The following NSF variants were observed in gnomAD, a reference collection of about 807,000 sequenced individuals.
NSF encodes N-ethylmaleimide sensitive factor, vesicle fusing ATPase, also known as vesicle-fusing ATPase.
In NSF, 14 loss-of-function variants were observed where a neutral mutation model predicts 50.3. That is an observed-to-expected ratio of 0.28 (90% CI 0.18 to 0.44). NSF has a LOEUF of 0.44. Ranked by LOEUF, NSF falls within the 20% of genes least tolerant of loss-of-function variation. The pLI is 1.00. For synonymous variants in NSF, 109 were observed against 175.7 expected, an observed-to-expected ratio of 0.62 and a Z score of 3.00; for missense variants, 218 against 504.3, an observed-to-expected ratio of 0.43 and a Z score of 5.44.
At chr17:46,728,778 A>G in intron 16 of NSF, 77 bp from the exon 17 acceptor site, 1 of 1,106,010 alleles carries the variant, frequency 9.0e-7, no homozygotes. Context: ...TGATGCAAAA[A>G]AAAAAAACAA....
chr17:46,732,074 A>G (rs1333778772), intron 17 of NSF, among the ~76,000 whole-genome samples: 1 of 152,200 alleles, frequency 6.6e-6, no homozygotes, highest in Non-Finnish European at 1.5e-5. Flanking sequence ...AGGTATATTC[A>G]GCTAAATATT....
intron 15 of NSF, among the ~76,000 whole-genome samples, chr17:46,715,518 T>TTGCA (rs2058759843): frequency 6.6e-6 from 1 of 152,254 alleles, no homozygotes; most frequent in Non-Finnish European, 1.5e-5. Flanking sequence ...AGTAGTCATC[T>TTGCA]TTGCAGATGG....
chr17:46,712,316 T>G (rs2058727425), intron 14 of NSF, among the ~76,000 whole-genome samples: 1 of 152,220 alleles, frequency 6.6e-6, no homozygotes, highest in South Asian at 2.1e-4. Context: ...TGTGCACATA[T>G]TATCTATTTA....
chr17:46,708,731 C>T (rs1350035920), intron 13 of NSF, among the ~76,000 whole-genome samples: 2 of 147,738 alleles, frequency 1.4e-5, no homozygotes, highest in African/African-American at 4.9e-5. Flanking sequence ...TGACCTCAAG[C>T]GATCCACCTA....
chr17:46,609,938 C>T (rs7503274), intron 1 of NSF, among the ~76,000 whole-genome samples: 7 of 143,668 alleles, frequency 4.9e-5, no homozygotes, highest in East Asian at 1.9e-4. Flanking sequence ...CCTCTCACCT[C>T]AGCCCCCTGA....
chr17:46,749,465 G>A (rs1490791041), intron 17 of NSF, among the ~76,000 whole-genome samples: 3 of 152,124 alleles, frequency 2.0e-5, no homozygotes, highest in Non-Finnish European at 4.4e-5. Context: ...TTGGCTCTGA[G>A]GAAGGAATTA....
chr17:46,715,241 G>C (rs1047280505), intron 15 of NSF, among the ~76,000 whole-genome samples: 1 of 152,206 alleles, frequency 6.6e-6, no homozygotes, highest in African/African-American at 2.4e-5. Flanking sequence ...AGTTTATTCT[G>C]TCTCTGAGGT....
At chr17:46,712,813 C>T (rs1252059434) in intron 14 of NSF, among the ~76,000 whole-genome samples, 1 of 151,902 alleles carries the variant, frequency 6.6e-6, no homozygotes, top group Non-Finnish European at 1.5e-5. Context: ...CAAGAGTAAC[C>T]AGAGAGGAAA....
At chr17:46,691,602 CA>C (rs2058547044) in intron 9 of NSF, among the ~76,000 whole-genome samples, 1 of 151,538 alleles carries the variant, frequency 6.6e-6, no homozygotes, top group Non-Finnish European at 1.5e-5. Context: ...CTCAAACAAA[CA>C]AACAAACAAA....
At chr17:46,736,658 G>A (rs1316399119) in intron 17 of NSF, among the ~76,000 whole-genome samples, 2 of 152,166 alleles carry the variant, frequency 1.3e-5, no homozygotes, top group African/African-American at 4.8e-5. Flanking sequence ...TAACTTAGCA[G>A]TATAACTGTC....
chr17:46,721,938 C>T (rs996401920), intron 15 of NSF: 2 of 1,599,612 alleles, frequency 1.3e-6, no homozygotes, highest in African/African-American at 2.7e-5. Context: ...ACTAGCCGGA[C>T]TTGGATTTTC....
intron 19 of NSF, among the ~76,000 whole-genome samples, chr17:46,753,998 G>A (rs2059209024): frequency 6.6e-6 from 1 of 152,120 alleles, no homozygotes; most frequent in Non-Finnish European, 1.5e-5. Flanking sequence ...AGGGAATAAA[G>A]TCATTTATCT....
chr17:46,694,610 T>TG lies in NSF; in HGVS notation c.1324dup (p.Glu442GlyfsTer14). The TG allele has an allele frequency of 6.8e-7, 1 of 1,464,076 alleles. No homozygotes were observed. The highest frequency in any genetic ancestry group is 9.2e-7 in the Non-Finnish European group (1 of 1,086,144). 90.7% of individuals were successfully genotyped at this position (1,464,076 alleles called of 1,614,324 possible). On this transcript the variant is annotated frameshift_variant, in exon 12 of 21. Transcript: ENST00000398238. LOFTEE classifies it high-confidence loss of function. The stretch of plus-strand genomic sequence containing the variant: ...ACCAAGAATTTCAGTGGTGCTGAAT[T>TG]GGAGGGTCTGGTGCGAGCAGCCCAG...
At chr17:46,716,044 A>G (rs1197032938) in intron 15 of NSF, among the ~76,000 whole-genome samples, 1 of 152,234 alleles carries the variant, frequency 6.6e-6, no homozygotes, top group Non-Finnish European at 1.5e-5. Flanking sequence ...AGAGAAAGGA[A>G]TGAAGCATAG....
At chr17:46,725,112 A>G (rs995726725) in intron 15 of NSF, among the ~76,000 whole-genome samples, 1 of 152,228 alleles carries the variant, frequency 6.6e-6, no homozygotes, top group Non-Finnish European at 1.5e-5. Flanking sequence ...AAAATAGTAC[A>G]ATGAATCAAT....
chr17:46,605,203 G>A (rs1467778011), intron 1 of NSF, among the ~76,000 whole-genome samples: 2 of 73,480 alleles, frequency 2.7e-5, no homozygotes, highest in African/African-American at 1.1e-4. Flanking sequence ...TGTAATCCCA[G>A]CACTTTGGGA....
At position 46,707,071 on chromosome 17, in the gene NSF, G is replaced by A. The variant is rs189807432; in HGVS notation, c.1470+2217G>A. Among the ~76,000 whole-genome samples, 964 of 151,844 alleles carry A rather than the reference G, an allele frequency of 6.3e-3. 12 individuals carry two copies. The highest frequency in any genetic ancestry group is 0.021 in the African/African-American group (871 of 41,366). On this transcript the variant is annotated intron_variant, in intron 13 of 20. Coordinates refer to ENST00000398238, the MANE Select transcript of NSF (RefSeq NM_006178.4). ...TCACCATGTTGGCTAGGCTGGTCTC[G>A]AACTCCTGACCTCAGGTGATCTGCC... is the stretch of plus-strand genomic sequence containing the variant.
chr17:46,610,177 G>T (rs2058004001), intron 1 of NSF, among the ~76,000 whole-genome samples: 1 of 93,828 alleles, frequency 1.1e-5, no homozygotes, highest in Admixed American at 1.2e-4. Context: ...TATTGCCCAG[G>T]CTGGTCTTGA....
chr17:46,733,984 T>C (rs2058975550), intron 17 of NSF, among the ~76,000 whole-genome samples: 1 of 152,226 alleles, frequency 6.6e-6, no homozygotes, highest in African/African-American at 2.4e-5. Context: ...ACTGTCAGCA[T>C]TCTCAGGATG....
Sources: gnomAD v4.1 joint callset for allele counts (sites outside exome capture counted in the v4.1 genomes callset) on GRCh38, gnomAD v4.1.1 for gene constraint, MANE v1.5 for transcripts, NCBI Gene and HGNC (gene_info 2026-07-23, HGNC 2026-07-21) for gene names.